Variants in RARB observed in about 807,000 individuals in gnomAD.
The protein encoded by RARB is retinoic acid receptor beta.
In RARB, 17 loss-of-function variants were observed where a neutral mutation model predicts 51.9. The observed-to-expected ratio is 0.33, with a 90% confidence interval of 0.22 to 0.49. RARB has a LOEUF of 0.49. Ranked by LOEUF, RARB falls within the 20% of genes least tolerant of loss-of-function variation. The pLI is 0.99. For missense variants in RARB, 369 were observed against 550.8 expected (o/e 0.67, Z 3.30); for synonymous variants, 215 against 195.4 (o/e 1.10, Z -0.84).
chr3:25,544,704 T>C (rs1227773459), intron 3 of RARB, among the ~76,000 whole-genome samples: 3 of 152,166 alleles, frequency 2.0e-5, no homozygotes, highest in Admixed American at 6.5e-5. Context: ...ACTTCAGTAA[T>C]CTACACATTA....
intron 5 of RARB, among the ~76,000 whole-genome samples, chr3:25,354,249 C>T (rs1346527442): frequency 6.6e-6 from 1 of 152,016 alleles, no homozygotes; most frequent in Non-Finnish European, 1.5e-5. Context: ...CTTTTGCATT[C>T]AATAATCAGA....
intron 2 of RARB, among the ~76,000 whole-genome samples, chr3:24,906,785 C>T (rs1273855319): frequency 7.5e-6 from 1 of 134,172 alleles, no homozygotes. Flanking sequence ...GCAGAGGTTG[C>T]AGTGAGCTGA....
intron 5 of RARB, among the ~76,000 whole-genome samples, chr3:25,186,087 T>C (rs545382188): frequency 1.3e-5 from 2 of 151,980 alleles, no homozygotes; most frequent in Middle Eastern, 3.4e-3. Context: ...AGACAAAATA[T>C]ATAAGAGCAT....
chr3:24,986,735 G>C (rs963088318), intron 2 of RARB, among the ~76,000 whole-genome samples: 2 of 152,134 alleles, frequency 1.3e-5, no homozygotes, highest in Admixed American at 1.3e-4. Context: ...TGTTATTTTG[G>C]AGAAGCTAAG....
intron 5 of RARB, among the ~76,000 whole-genome samples, chr3:25,214,220 C>G (rs73042341): frequency 0.11 from 16,812 of 152,194 alleles, 1,071 homozygotes; most frequent in South Asian, 0.26. Flanking sequence ...CTTTCTCACT[C>G]TGTGCTGGCA....
intron 3 of RARB, among the ~76,000 whole-genome samples, chr3:25,070,584 A>G (rs1698747893): frequency 2.6e-5 from 4 of 152,218 alleles, no homozygotes. Flanking sequence ...ACAATATACA[A>G]AATGCAGAGG....
chr3:24,930,525 C>CT (rs1218738057), intron 2 of RARB, among the ~76,000 whole-genome samples: 3 of 152,194 alleles, frequency 2.0e-5, no homozygotes, highest in Admixed American at 2.0e-4. Context: ...ATAGCAGGTG[C>CT]TTCCTTACCT....
intron 2 of RARB, among the ~76,000 whole-genome samples, chr3:24,902,759 T>G (rs1575062997): frequency 6.6e-6 from 1 of 152,300 alleles, no homozygotes; most frequent in Non-Finnish European, 1.5e-5. Context: ...ATTTTACCTT[T>G]CTTGGTAAAA....
chr3:25,172,981 T>A (rs1237255127), intron 4 of RARB, among the ~76,000 whole-genome samples: 1 of 152,214 alleles, frequency 6.6e-6, no homozygotes, highest in African/African-American at 2.4e-5. Flanking sequence ...AGAATCACGC[T>A]CTTAACAACT....
At chr3:25,249,130 T>C (rs933344706) in intron 5 of RARB, among the ~76,000 whole-genome samples, 2 of 151,910 alleles carry the variant, frequency 1.3e-5, no homozygotes, top group African/African-American at 4.8e-5. Context: ...CATTCTTTTT[T>C]ATTCTTTTTT....
chr3:25,501,120 T>C, intron 2 of RARB, 62 bp from the exon 3 acceptor site: 2 of 1,520,230 alleles, frequency 1.3e-6, no homozygotes, highest in South Asian at 1.3e-5. Context: ...TAAGGTTGGC[T>C]TTGATTTCTG....
chr3:25,037,723 C>A (rs1698026032), intron 2 of RARB, among the ~76,000 whole-genome samples: 1 of 152,000 alleles, frequency 6.6e-6, no homozygotes, highest in African/African-American at 2.4e-5. Flanking sequence ...AATTGCTGCC[C>A]TCATAGAGCT....
intron 5 of RARB, among the ~76,000 whole-genome samples, chr3:25,264,649 A>G (rs528468974): frequency 1.3e-5 from 2 of 152,334 alleles, no homozygotes; most frequent in South Asian, 4.1e-4. Flanking sequence ...TAAACAATAT[A>G]AAAACATATA....
intron 1 of RARB, among the ~76,000 whole-genome samples, chr3:25,451,676 C>T (rs973514682): frequency 6.6e-6 from 1 of 152,182 alleles, no homozygotes; most frequent in African/African-American, 2.4e-5. Context: ...TGTGACAAAG[C>T]ATAATTTCAT....
chr3:25,511,427 A>G (rs768999640), intron 3 of RARB, among the ~76,000 whole-genome samples: 5 of 152,066 alleles, frequency 3.3e-5, no homozygotes, highest in Non-Finnish European at 5.9e-5. Flanking sequence ...CACAGTGCCC[A>G]GCCAACCCTG....
intron 1 of RARB, among the ~76,000 whole-genome samples, chr3:25,453,803 G>T (rs1201475429): frequency 1.3e-5 from 2 of 152,124 alleles, no homozygotes; most frequent in Admixed American, 1.3e-4. Context: ...GCAGGTTACT[G>T]AGTCAAGACT....
At chr3:25,298,032 T>C (rs1703957644) in intron 5 of RARB, among the ~76,000 whole-genome samples, 2 of 152,134 alleles carry the variant, frequency 1.3e-5, no homozygotes, top group African/African-American at 4.8e-5. Flanking sequence ...GACTTTCTTT[T>C]GTAATATAGG....
At chr3:24,970,606 A>ACACACACACACACACAC (rs1696376566) in intron 2 of RARB, among the ~76,000 whole-genome samples, 1 of 104,046 alleles carries the variant, frequency 9.6e-6, no homozygotes, top group African/African-American at 3.0e-5. Context: ...CACACACACA[A>ACACACACACACACACAC]ACACACCCCC....
chr3:25,541,899 G>A (rs1699400066), intron 3 of RARB, among the ~76,000 whole-genome samples: 3 of 152,130 alleles, frequency 2.0e-5, no homozygotes, highest in Admixed American at 6.5e-5. Context: ...TCTGCTATTC[G>A]TTTCGTGGGA....
Sources: gnomAD v4.1 joint callset for allele counts (sites outside exome capture counted in the v4.1 genomes callset) on GRCh38, gnomAD v4.1.1 for gene constraint, MANE v1.5 for transcripts, NCBI Gene and HGNC (gene_info 2026-07-23, HGNC 2026-07-21) for gene names.